The following VWA8 variants were observed in gnomAD, a reference collection of about 807,000 sequenced individuals.
VWA8 encodes von Willebrand factor A domain-containing protein 8.
Under a neutral mutation model 241.5 loss-of-function variants are expected in VWA8, and 221 were observed. That is an observed-to-expected ratio of 0.91 (90% confidence interval 0.82 to 1.02). The LOEUF (loss-of-function observed/expected upper bound fraction) is 1.02, where lower values mean the gene tolerates loss of function less well. VWA8 is among the 50% of genes least tolerant of loss of function. The pLI, the probability that VWA8 is intolerant of heterozygous loss-of-function variation, is 0.00. For synonymous variants in VWA8, 852 were observed against 827.1 expected (o/e 1.03, Z -0.52); for missense variants, 2,322 against 2,328.7 (o/e 1.00, Z 0.06).
chr13:41,615,156 A>G (rs1264370054), intron 37 of VWA8, 72 bp from the exon 38 acceptor site: 16 of 1,487,634 alleles, frequency 1.1e-5, no homozygotes, highest in South Asian at 3.6e-5. Flanking sequence ...AGAAAAAAAA[A>G]TTATTTTCTC....
At chr13:41,624,027 G>A (rs958009706) in intron 37 of VWA8, among the ~76,000 whole-genome samples, 2 of 152,158 alleles carry the variant, frequency 1.3e-5, no homozygotes, top group African/African-American at 4.8e-5. Context: ...AAACCCCTCA[G>A]AGACTATTAT....
rs2045669705 is a variant in VWA8, at chr13:41,753,296, T to C, written c.2426+7832A>G. On this transcript the variant is annotated intron_variant, in intron 21 of 44. Transcript: ENST00000379310. Reference sequence around the variant, plus strand: ...CTCTTCAATTATGAAGGATAGCAAATGAAAAAAAACTCTGGCAGTATAAGT... The same window carrying C: ...CTCTTCAATTATGAAGGATAGCAAACGAAAAAAAACTCTGGCAGTATAAGT... Among the ~76,000 whole-genome samples, 4 of 151,922 alleles carry C rather than the reference T, an allele frequency of 2.6e-5. No homozygotes were observed. The South Asian group carries it at 8.4e-4, about 32-fold the overall frequency.
At chr13:41,939,335 T>C (rs1040624875) in intron 2 of VWA8, among the ~76,000 whole-genome samples, 1 of 152,218 alleles carries the variant, frequency 6.6e-6, no homozygotes, top group African/African-American at 2.4e-5. Context: ...AACTGCCAAA[T>C]TCATCTAAGC....
intron 40 of VWA8, among the ~76,000 whole-genome samples, chr13:41,595,738 C>G (rs2044483830): frequency 6.6e-6 from 1 of 152,120 alleles, no homozygotes; most frequent in African/African-American, 2.4e-5. Flanking sequence ...GACTTTGTCA[C>G]AATTTACCCA....
intron 37 of VWA8, among the ~76,000 whole-genome samples, chr13:41,619,491 A>G (rs2044642993): frequency 6.6e-6 from 1 of 152,204 alleles, no homozygotes; most frequent in African/African-American, 2.4e-5. Context: ...CACTGGCCAG[A>G]ACTTCCAACA....
At chr13:41,927,389 T>G (rs115202451) in intron 2 of VWA8, 272 of 498,744 alleles carry the variant, frequency 5.5e-4, no homozygotes, top group African/African-American at 4.8e-3. Context: ...CAAGCATCTT[T>G]GCACATCTGC....
chr13:41,816,739 A>G lies in VWA8; in HGVS notation c.1906T>C (p.Leu636=), dbSNP rs757569301. 55 of 1,613,684 alleles carry G rather than the reference A, an allele frequency of 3.4e-5. No homozygotes were observed. The highest frequency in any genetic ancestry group is 1.6e-4 in the Middle Eastern group (1 of 6,076). ...NVPQEALDKL[L]SFTHKLRETQ... is the part of the protein sequence containing the mutation. ...TCTCTGAGTTTGTGTGTAAATGATA[A>G]TAACTTATCCAGAGCTTCCTGAGGT... The change falls in exon 16 of 45, where the codon TTA becomes CTA. Residue 636 remains leucine (L), a synonymous_variant. Coordinates refer to ENST00000379310, the MANE Select transcript of VWA8 (RefSeq NM_015058.2).
chr13:41,807,836 A>T (rs944480542), intron 17 of VWA8: 8 of 152,324 alleles, frequency 5.3e-5, no homozygotes, highest in Admixed American at 2.6e-4. Context: ...GCGGGGAACC[A>T]CCAGGTTGCC....
intron 21 of VWA8, among the ~76,000 whole-genome samples, chr13:41,739,840 TTTTTTTTGTTTTTTTTG>T (rs1566436389): frequency 5.6e-5 from 3 of 53,130 alleles, no homozygotes; most frequent in African/African-American, 1.8e-4. Context: ...TTTTTTTTTG[TTTTTTTTGTTTTTTTTG>T]TTTTTTTTTT....
chr13:41,870,240 C>T lies in VWA8; in HGVS notation c.1081-1763G>A, dbSNP rs561900465. On this transcript the variant is annotated intron_variant, in intron 9 of 44. Transcript: ENST00000379310. The stretch of plus-strand genomic sequence containing the variant: ...CTTCCATGTTGTAGACAAATAACAA[C>T]TATTGACACCTTAATTTCATGAAAA... Among the ~76,000 whole-genome samples the T allele has an allele frequency of 2.6e-5, 4 of 151,990 alleles. No homozygotes were observed. In the South Asian group the frequency reaches 8.3e-4, roughly 32 times the overall value.
intron 20 of VWA8, 45 bp downstream of exon 20, chr13:41,777,940 T>A: frequency 6.7e-7 from 1 of 1,482,380 alleles, no homozygotes; most frequent in Non-Finnish European, 9.3e-7. Flanking sequence ...TTTAAATTGT[T>A]ACTATCATTT....
chr13:41,865,214 C>T (rs1225030436), intron 12 of VWA8: 1 of 260,748 alleles, frequency 3.8e-6, no homozygotes, highest in African/African-American at 2.3e-5. Context: ...TACATATTTT[C>T]ACAGCACATG....
chr13:41,893,823 G>T (rs549866254), intron 4 of VWA8, among the ~76,000 whole-genome samples: 36 of 152,220 alleles, frequency 2.4e-4, no homozygotes, highest in African/African-American at 8.7e-4. Flanking sequence ...GGCAGAGGTT[G>T]CAATGAGCCA....
At position 41,721,373 on chromosome 13, in the gene VWA8, T is replaced by G; in HGVS notation, c.2961A>C (p.Leu987Phe). 1 of 1,613,632 alleles carries G rather than the reference T, an allele frequency of 6.2e-7. No individual in the cohort carries two copies. The highest frequency in any genetic ancestry group is 1.3e-5 in the African/African-American group (1 of 74,974). ...TACAGGTGTGTGCCATACCTACCTG[T>G]AAATGTTTGACTATGTTGACAACTT... Reference protein sequence around the residue: ...TREVVNIVKHLQKFPTEGLSS... With the variant: ...TREVVNIVKHFQKFPTEGLSS... The change falls in exon 25 of 45, where the codon TTA becomes TTC. Residue 987 changes from leucine to phenylalanine, a missense_variant. By Grantham distance (22) the Leu-to-Phe change is conservative. Coordinates refer to ENST00000379310, the MANE Select transcript of VWA8 (RefSeq NM_015058.2).
chr13:41,923,381 A>AT (rs1876658545), intron 2 of VWA8, among the ~76,000 whole-genome samples: 1 of 152,122 alleles, frequency 6.6e-6, no homozygotes, highest in Non-Finnish European at 1.5e-5. Flanking sequence ...ACATGTATAC[A>AT]TATGTAACTA....
intron 2 of VWA8, among the ~76,000 whole-genome samples, chr13:41,939,339 T>C (rs1433824215): frequency 3.3e-5 from 5 of 152,184 alleles, no homozygotes; most frequent in African/African-American, 4.8e-5. Flanking sequence ...GCCAAATTCA[T>C]CTAAGCCTTA....
At chr13:41,791,124 T>A (rs75401867) in intron 17 of VWA8, among the ~76,000 whole-genome samples, 29,502 of 151,302 alleles carry the variant, frequency 0.19, 2,860 homozygotes, top group East Asian at 0.21. Context: ...GTTTTTTTTT[T>A]AAAAAAACAA....
chr13:41,581,088 C>T (rs915374003), intron 42 of VWA8, among the ~76,000 whole-genome samples: 1 of 104,012 alleles, frequency 9.6e-6, no homozygotes, highest in Non-Finnish European at 1.8e-5. Context: ...CAGGCTCCGC[C>T]CCCTGGAGTT....
At chr13:41,762,371 G>A (rs555469409) in intron 20 of VWA8, among the ~76,000 whole-genome samples, 2 of 152,152 alleles carry the variant, frequency 1.3e-5, no homozygotes, top group East Asian at 1.9e-4. Flanking sequence ...AAGGCTCAGA[G>A]GTAAGCATTG....
Sources: allele counts gnomAD v4.1 joint callset (sites outside exome capture counted in the v4.1 genomes callset), GRCh38; gene constraint gnomAD v4.1.1; transcripts MANE v1.5; gene names NCBI Gene and HGNC (gene_info 2026-07-23, HGNC 2026-07-21).